SVIL: variants seen among roughly 807,000 people sequenced by gnomAD.
SVIL encodes supervillin.
In SVIL, 101 loss-of-function variants were observed where a neutral mutation model predicts 240.4. That is an observed-to-expected ratio of 0.42 (90% CI 0.36 to 0.50). The LOEUF (loss-of-function observed/expected upper bound fraction) is 0.50, where lower values mean the gene tolerates loss of function less well. Among genes scored for constraint, SVIL ranks in the 20% least tolerant of loss-of-function variants. The pLI is 0.01. For synonymous variants in SVIL, 999 were observed against 1,100.0 expected (o/e 0.91, Z 1.82); for missense variants, 2,512 against 2,818.7 (o/e 0.89, Z 2.46).
intron 2 of SVIL, among the ~76,000 whole-genome samples, chr10:29,676,129 T>C (rs889506323): frequency 1.3e-5 from 2 of 152,202 alleles, no homozygotes; most frequent in Non-Finnish European, 2.9e-5. Flanking sequence ...TCTTCCCTGC[T>C]ATATAAACCC....
At chr10:29,463,951 G>A (rs1427612172) in intron 34 of SVIL, among the ~76,000 whole-genome samples, 1 of 152,200 alleles carries the variant, frequency 6.6e-6, no homozygotes, top group African/African-American at 2.4e-5. Flanking sequence ...TACTGGCAGG[G>A]CTGTGCTAAG....
chr10:29,695,446 T>A (rs1490548081), intron 1 of SVIL, among the ~76,000 whole-genome samples: 1 of 152,130 alleles, frequency 6.6e-6, no homozygotes, highest in Non-Finnish European at 1.5e-5. Flanking sequence ...GTTGAAATTT[T>A]AAAAAATTTA....
chr10:29,700,765 G>T lies in SVIL; in HGVS notation c.-399-14114C>A, dbSNP rs565266233. 2.6e-5 allele frequency among the ~76,000 whole-genome samples: 4 copies of T among 152,158 alleles called. No homozygotes were observed. In the South Asian group the frequency reaches 8.3e-4, roughly 32 times the overall value. The stretch of plus-strand genomic sequence containing the variant: ...TGGGATTACAGGCGTGAGTCACTGC[G>T]CCTGGCCACTATTTCCATTCTTTAT... On this transcript the variant is annotated intron_variant, in intron 1 of 35. Transcript: ENST00000375400.
At chr10:29,653,778 A>G (rs1958915190) in intron 3 of SVIL, among the ~76,000 whole-genome samples, 1 of 152,166 alleles carries the variant, frequency 6.6e-6, no homozygotes, top group African/African-American at 2.4e-5. Context: ...TTTCCCCAGT[A>G]CAATTTGTTG....
chr10:29,546,464 T>G (rs1952696400), intron 6 of SVIL, among the ~76,000 whole-genome samples: 1 of 152,240 alleles, frequency 6.6e-6, no homozygotes, highest in South Asian at 2.1e-4. Flanking sequence ...ATCAATTAAC[T>G]ATTTTTTAAA....
intron 1 of SVIL, among the ~76,000 whole-genome samples, chr10:29,612,259 A>G (rs1189586462): frequency 2.0e-5 from 3 of 152,222 alleles, no homozygotes; most frequent in Non-Finnish European, 4.4e-5. Flanking sequence ...TCAACAGCCA[A>G]CAGAGAAGTA....
chr10:29,483,193 G>C (rs1947069574), intron 27 of SVIL: 1 of 152,212 alleles, frequency 6.6e-6, no homozygotes, highest in Non-Finnish European at 1.5e-5. Context: ...ATGATTGAAA[G>C]GGCTCTTGGT....
rs191870357 is a variant in SVIL at position 29,569,402 on chromosome 10, A to G, written c.-200-90T>C. 178 of 547,196 alleles carry G rather than the reference A, an allele frequency of 3.3e-4. No homozygotes were observed. The African/African-American group carries it at 3.4e-3, about 10-fold the overall frequency. 33.9% of individuals were successfully genotyped at this position (547,196 alleles called of 1,614,324 possible). A position where few individuals can be genotyped will look rare whatever the true frequency, so the allele number is the denominator to read the frequency against. On this transcript the variant is annotated intron_variant, in intron 1 of 37. Coordinates refer to ENST00000355867, the MANE Select transcript of SVIL (RefSeq NM_021738.3). The stretch of plus-strand genomic sequence containing the variant: ...AAAACTCTCCAAACTGCTTTTGAAC[A>G]TATAATTTAAGAAAAAGAAAACCAT...
At chr10:29,627,360 T>A (rs763180512) in intron 1 of SVIL, among the ~76,000 whole-genome samples, 34 of 152,302 alleles carry the variant, frequency 2.2e-4, no homozygotes, top group Middle Eastern at 3.4e-3. Flanking sequence ...CTTGTTTGAA[T>A]GAATGAGGCC....
intron 1 of SVIL, among the ~76,000 whole-genome samples, chr10:29,733,344 G>T (rs1477179264): frequency 6.6e-6 from 1 of 152,114 alleles, no homozygotes. Flanking sequence ...TTTTTTTACA[G>T]ACAGCTGTCT....
intron 3 of SVIL, among the ~76,000 whole-genome samples, chr10:29,559,252 T>C (rs1018791810): frequency 6.6e-6 from 1 of 152,064 alleles, no homozygotes; most frequent in African/African-American, 2.4e-5. Flanking sequence ...ATGTAAGAGA[T>C]ATCCTTCACA....
intron 1 of SVIL, among the ~76,000 whole-genome samples, chr10:29,688,608 A>T (rs4747672): frequency 0.21 from 32,430 of 152,126 alleles, 3,702 homozygotes; most frequent in Admixed American, 0.28. Context: ...AAGTCATTTG[A>T]GCACTGAAAT....
At chr10:29,684,713 G>C (rs1960928525) in intron 2 of SVIL, among the ~76,000 whole-genome samples, 1 of 152,110 alleles carries the variant, frequency 6.6e-6, no homozygotes, top group African/African-American at 2.4e-5. Context: ...TCAGTATTAG[G>C]AAAAGACCTG....
At chr10:29,639,946 G>A (rs1164180955), upstream of SVIL, among the ~76,000 whole-genome samples, 4 of 152,016 alleles carry the variant, frequency 2.6e-5, no homozygotes, top group Non-Finnish European at 5.9e-5. Flanking sequence ...GACTTTTCTG[G>A]CGCTTTGGGG....
Position 29,462,340 on chromosome 10 carries a change from C to T in SVIL, c.6339G>A (p.Leu2113=), listed in dbSNP as rs1306864316. 24 of 1,614,190 alleles carry T rather than the reference C, an allele frequency of 1.5e-5. No homozygotes were observed. Among genetic ancestry groups the T allele is most frequent in the Non-Finnish European group, 2.0e-5 (24 of 1,180,032 alleles). Residue 2113 remains leucine (L), a synonymous_variant, in exon 36 of 38, where the codon CTG becomes CTA. Coordinates refer to ENST00000355867, the MANE Select transcript of SVIL (RefSeq NM_021738.3). ...AGCTGGGAAACATATTGGTGAATGTCAGGGGCTCCAGACCAGCGTGGATAA... is the reference window on the plus strand; with the variant it reads ...AGCTGGGAAACATATTGGTGAATGTTAGGGGCTCCAGACCAGCGTGGATAA... ...SYLIHAGLEP[L]TFTNMFPSWE...
In SVIL at chr10:29,478,916, C is replaced by A. The variant is rs535906559; in HGVS notation, c.5377+1621G>T. Among the ~76,000 whole-genome samples the A allele has an allele frequency of 3.7e-5, 4 of 108,554 alleles. No homozygotes were observed. The Admixed American group carries it at 4.5e-4, about 12-fold the overall frequency. 71.2% of individuals were successfully genotyped at this position (108,554 alleles called of 152,430 possible). ...CTCCAGCTTGGAAGACAGAGTGAAA[C>A]CCTGTCTCAAAAAAAAAAAAAAAAA... is the stretch of plus-strand genomic sequence containing the variant. On this transcript the variant is annotated intron_variant, in intron 29 of 37. Transcript: ENST00000355867.
intron 1 of SVIL, among the ~76,000 whole-genome samples, chr10:29,707,126 T>C (rs1286521745): frequency 6.6e-6 from 1 of 152,194 alleles, no homozygotes; most frequent in African/African-American, 2.4e-5. Context: ...TACGGGCTCT[T>C]TTTTGGTTCC....
chr10:29,680,043 G>C (rs779567515), intron 2 of SVIL, among the ~76,000 whole-genome samples: 5 of 151,968 alleles, frequency 3.3e-5, no homozygotes, highest in African/African-American at 4.8e-5. Context: ...AAAATTACCC[G>C]GCATAGTTGC....
At chr10:29,701,163 C>T (rs923536788) in intron 1 of SVIL, among the ~76,000 whole-genome samples, 3 of 152,110 alleles carry the variant, frequency 2.0e-5, no homozygotes, top group Non-Finnish European at 4.4e-5. Context: ...CCCCTCACTG[C>T]AAAAATAGAC....
Sources: gnomAD v4.1 joint callset for allele counts (sites outside exome capture counted in the v4.1 genomes callset) on GRCh38, gnomAD v4.1.1 for gene constraint, MANE v1.5 for transcripts, NCBI Gene and HGNC (gene_info 2026-07-23, HGNC 2026-07-21) for gene names.